Variants in SORCS2 observed in about 807,000 individuals in gnomAD.
SORCS2 encodes sortilin related VPS10 domain containing receptor 2, also known as VPS10 domain-containing receptor SorCS2.
SORCS2 carries 100 observed loss-of-function variants against 141.6 expected under a neutral mutation model. The observed-to-expected ratio is 0.71, with a 90% CI of 0.60 to 0.83. The LOEUF (loss-of-function observed/expected upper bound fraction) is 0.83. Among genes scored for constraint, SORCS2 ranks in the 40% least tolerant of loss-of-function variants. SORCS2 has a pLI of 0.00. For missense variants in SORCS2, 1,646 were observed against 1,560.2 expected, an observed-to-expected ratio of 1.05 and a Z score of -0.93; for synonymous variants, 789 against 676.9, an observed-to-expected ratio of 1.17 and a Z score of -2.57.
chr4:7,466,618 G>A (rs981303574), intron 2 of SORCS2, among the ~76,000 whole-genome samples: 3 of 152,212 alleles, frequency 2.0e-5, no homozygotes, highest in Admixed American at 2.0e-4. Flanking sequence ...ACGGGGTCCT[G>A]TAGGAGGTGG....
intron 3 of SORCS2, among the ~76,000 whole-genome samples, chr4:7,575,597 A>G (rs1373949833): frequency 6.6e-6 from 1 of 152,256 alleles, no homozygotes; most frequent in Admixed American, 6.5e-5. Context: ...AGTGCCAAGT[A>G]TCAGTTTTTA....
At chr4:7,737,252 G>A in intron 26 of SORCS2, 80 bp downstream of exon 26, 1 of 1,535,244 alleles carries the variant, frequency 6.5e-7, no homozygotes, top group Non-Finnish European at 8.8e-7. Flanking sequence ...CCTCCCACAG[G>A]CCACCCCGCT....
chr4:7,335,545 G>T (rs1266643228), intron 1 of SORCS2, among the ~76,000 whole-genome samples: 1 of 152,186 alleles, frequency 6.6e-6, no homozygotes, highest in Non-Finnish European at 1.5e-5. Flanking sequence ...GGCCTCATCT[G>T]TCGGGGCACC....
intron 16 of SORCS2, 128 bp from the exon 17 acceptor site, chr4:7,715,055 C>G: frequency 7.7e-7 from 1 of 1,301,312 alleles, no homozygotes; most frequent in Non-Finnish European, 1.1e-6. Flanking sequence ...GATGTCCTCA[C>G]AGATGGGTGC....
intron 2 of SORCS2, among the ~76,000 whole-genome samples, chr4:7,400,128 C>T (rs1285507653): frequency 6.6e-6 from 1 of 152,006 alleles, no homozygotes; most frequent in African/African-American, 2.4e-5. Flanking sequence ...CAAGCCATAC[C>T]CCCTGCAAAA....
chr4:7,339,039 G>A (rs572153142), intron 1 of SORCS2, among the ~76,000 whole-genome samples: 37 of 152,286 alleles, frequency 2.4e-4, no homozygotes, highest in Non-Finnish European at 4.7e-4. Flanking sequence ...TGGCCAAGAC[G>A]GGCTCTTCCA....
chr4:7,235,010 C>T lies in SORCS2; in HGVS notation c.480+41884C>T, dbSNP rs186105691. ...AGGCCTGGGGAAGGCAGAGCAGGAGCGAGTTGGGCACAGGGTGGAAACTGA... is the reference window on the plus strand; with the variant it reads ...AGGCCTGGGGAAGGCAGAGCAGGAGTGAGTTGGGCACAGGGTGGAAACTGA... On this transcript the variant is annotated intron_variant, in intron 1 of 26. Transcript: ENST00000507866. 1.9e-3 allele frequency among the ~76,000 whole-genome samples: 288 copies of T among 152,314 alleles called. 1 individual carries two copies. The highest frequency in any genetic ancestry group is 6.5e-3 in the African/African-American group (272 of 41,578).
intron 1 of SORCS2, among the ~76,000 whole-genome samples, chr4:7,268,863 G>C (rs2108838036): frequency 6.6e-6 from 1 of 152,330 alleles, no homozygotes; most frequent in East Asian, 1.9e-4. Context: ...GGGTGAGTGA[G>C]ATGCCACAGA....
intron 1 of SORCS2, among the ~76,000 whole-genome samples, chr4:7,251,871 A>G (rs1223488094): frequency 1.3e-5 from 2 of 152,134 alleles, no homozygotes; most frequent in Non-Finnish European, 2.9e-5. Flanking sequence ...AGCACATTGC[A>G]TCCGGGACAG....
chr4:7,373,490 T>A (rs1214909998), intron 1 of SORCS2, among the ~76,000 whole-genome samples: 2,128 of 76,168 alleles, frequency 0.028, 29 homozygotes, highest in Non-Finnish European at 0.035. Flanking sequence ...TTTTTTTTTT[T>A]TTTTTTTTTT....
At chr4:7,654,992 T>C (rs1028891959) in intron 5 of SORCS2, among the ~76,000 whole-genome samples, 1 of 152,148 alleles carries the variant, frequency 6.6e-6, no homozygotes, top group Non-Finnish European at 1.5e-5. Flanking sequence ...GAGAAATGTC[T>C]GTGGGATGCA....
At chr4:7,608,531 C>G (rs563775540) in intron 3 of SORCS2, among the ~76,000 whole-genome samples, 7 of 152,332 alleles carry the variant, frequency 4.6e-5, no homozygotes, top group African/African-American at 1.7e-4. Context: ...AAGCCCAGAT[C>G]CTTTCTGACA....
At chr4:7,686,299 T>A (rs941729758) in intron 10 of SORCS2, among the ~76,000 whole-genome samples, 3 of 152,260 alleles carry the variant, frequency 2.0e-5, no homozygotes, top group Admixed American at 2.0e-4. Flanking sequence ...CAGTCCATGG[T>A]CACTCTTCTA....
At position 7,375,084 on chromosome 4, in the gene SORCS2, G is replaced by A. The variant is rs373711810; in HGVS notation, c.481-21204G>A. 2.6e-5 allele frequency among the ~76,000 whole-genome samples: 4 copies of A among 152,172 alleles called. No homozygotes were observed. In the South Asian group the frequency reaches 6.2e-4, roughly 24 times the overall value. On this transcript the variant is annotated intron_variant, in intron 1 of 26. Coordinates refer to ENST00000507866, the MANE Select transcript of SORCS2 (RefSeq NM_020777.3). ...TGTGCAGGGTAAGTCATGGTGATTC[G>A]ATGAGAAAGGGACTTGGAGGCTGCC...
chr4:7,412,693 G>A (rs186148869), intron 2 of SORCS2, among the ~76,000 whole-genome samples: 7 of 151,930 alleles, frequency 4.6e-5, no homozygotes, highest in East Asian at 3.9e-4. Flanking sequence ...CCCCTGGGGC[G>A]GGGGCCCTCC....
intron 1 of SORCS2, among the ~76,000 whole-genome samples, chr4:7,284,517 C>T (rs1051442419): frequency 5.9e-5 from 9 of 152,270 alleles, no homozygotes; most frequent in South Asian, 2.1e-4. Flanking sequence ...CAGGAGAGCT[C>T]GAGGTTATGA....
At chr4:7,301,037 T>C (rs1011262569) in intron 1 of SORCS2, among the ~76,000 whole-genome samples, 1 of 152,142 alleles carries the variant, frequency 6.6e-6, no homozygotes, top group African/African-American at 2.4e-5. Context: ...AGCCTCAGTC[T>C]TCCAGAGCTG....
chr4:7,368,656 A>G (rs987150357), intron 1 of SORCS2, among the ~76,000 whole-genome samples: 1 of 152,340 alleles, frequency 6.6e-6, no homozygotes, highest in African/African-American at 2.4e-5. Context: ...GGGAGGGGCC[A>G]AGACATGTTC....
chr4:7,661,081 C>T (rs1195040915), intron 5 of SORCS2, among the ~76,000 whole-genome samples: 1 of 152,204 alleles, frequency 6.6e-6, no homozygotes, highest in Non-Finnish European at 1.5e-5. Flanking sequence ...ATGGGAGTCC[C>T]AGGCCTGCCT....
Sources: gnomAD v4.1 joint callset for allele counts (sites outside exome capture counted in the v4.1 genomes callset) on GRCh38, gnomAD v4.1.1 for gene constraint, MANE v1.5 for transcripts, NCBI Gene and HGNC (gene_info 2026-07-23, HGNC 2026-07-21) for gene names.